RAD21L1: variants seen among roughly 807,000 people sequenced by gnomAD.
The protein encoded by RAD21L1 is RAD21 cohesin complex component like 1, also known as double-strand-break repair protein rad21-like protein 1.
A neutral mutation model predicts 69.0 loss-of-function variants in RAD21L1; 47 were observed. The observed-to-expected ratio is 0.68, with a 90% confidence interval of 0.54 to 0.87. The LOEUF (loss-of-function observed/expected upper bound fraction) is 0.87, where lower values mean the gene tolerates loss of function less well. Ranked by LOEUF, RAD21L1 falls within the 40% of genes least tolerant of loss-of-function variation. The pLI is 0.00. For synonymous variants in RAD21L1, 177 were observed against 205.8 expected (o/e 0.86, Z 1.20); for missense variants, 583 against 647.6 (o/e 0.90, Z 1.08).
At chr20:1,233,801 G>A (rs1385217378) in intron 4 of RAD21L1, among the ~76,000 whole-genome samples, 1 of 152,118 alleles carries the variant, frequency 6.6e-6, no homozygotes, top group Non-Finnish European at 1.5e-5. Flanking sequence ...TTCAAAATAT[G>A]CATTTGAGGT....
chr20:1,244,741 T>C (rs79409564), intron 11 of RAD21L1, among the ~76,000 whole-genome samples: 1,538 of 152,306 alleles, frequency 0.01, 15 homozygotes, highest in African/African-American at 0.035. Context: ...TCAGTTGTTA[T>C]TTTATTGGTT....
chr20:1,236,084 A>G (rs2087489327), intron 5 of RAD21L1, among the ~76,000 whole-genome samples: 1 of 151,986 alleles, frequency 6.6e-6, no homozygotes, highest in Non-Finnish European at 1.5e-5. Flanking sequence ...ACTTTTAACT[A>G]TACTTTCTGT....
chr20:1,228,708 A>T lies in RAD21L1; in HGVS notation c.144+111A>T, dbSNP rs916231135. 6 of 787,616 alleles carry T rather than the reference A, an allele frequency of 7.6e-6. No individual in the cohort carries two copies. In the Admixed American group the frequency reaches 1.7e-4, roughly 23 times the overall value. The allele number at this position is 787,616 out of a possible 1,614,324, so 48.8% of individuals were successfully genotyped here. A position where few individuals can be genotyped will look rare whatever the true frequency, so the allele number is the denominator to read the frequency against. ...CATTTTCAAGGAAGTTTTACTTGTC[A>T]AATGGTCTTTCCTTTAATTCCTATA... On this transcript the variant is annotated intron_variant, in intron 2 of 13. Coordinates refer to ENST00000683101, the MANE Select transcript of RAD21L1 (RefSeq NM_001384355.1).
intron 13 of RAD21L1, among the ~76,000 whole-genome samples, chr20:1,252,285 A>C (rs914399590): frequency 6.6e-6 from 1 of 152,178 alleles, no homozygotes; most frequent in Non-Finnish European, 1.5e-5. Context: ...AACTGACTGG[A>C]AGTTATATAC....
chr20:1,236,404 CCTT>C (rs2087496083), intron 5 of RAD21L1, among the ~76,000 whole-genome samples: 1 of 152,198 alleles, frequency 6.6e-6, no homozygotes, highest in African/African-American at 2.4e-5. Flanking sequence ...CAATTTATCA[CCTT>C]CTTTATTTTA....
At chr20:1,227,509 T>C (rs531708416) in intron 1 of RAD21L1, among the ~76,000 whole-genome samples, 1 of 152,348 alleles carries the variant, frequency 6.6e-6, no homozygotes, top group Admixed American at 6.5e-5. Flanking sequence ...GGCTCAGTTT[T>C]CTCTTTTATC....
Position 1,229,883 on chromosome 20 carries a change from A to C in RAD21L1, c.148A>C (p.Lys50Gln), listed in dbSNP as rs1458101089. The C allele has an allele frequency of 6.5e-7, 1 of 1,547,260 alleles. No individual in the cohort carries two copies. Among genetic ancestry groups the C allele is most frequent in the Admixed American group, 2.0e-5 (1 of 50,926 alleles). ...TIEKILSPKVKIALRTSGHLL... is the reference protein window; with the variant it reads ...TIEKILSPKVQIALRTSGHLL... ...ATACTTCAAAAATTATTGAAAGGTG[A>C]AAATAGCACTTCGAACTTCAGGACA... Residue 50 changes from lysine to glutamine, a missense_variant, in exon 3 of 14, where the codon AAA becomes CAA. Physicochemically the swap from Lys to Gln is moderately conservative, Grantham distance 53. Transcript: ENST00000683101.
rs2087712796 is a variant in RAD21L1 at position 1,246,158 on chromosome 20, G to A, written c.1309-55G>A. 4.6e-6 allele frequency: 4 copies of A among 876,176 alleles called. No individual in the cohort carries two copies. Among genetic ancestry groups the A allele is most frequent in the Non-Finnish European group, 6.9e-6 (4 of 576,260 alleles). The allele number at this position is 876,176 out of a possible 1,614,324, so 54.3% of individuals were successfully genotyped here. ...TTAAAGCATTTAATAAAATTAGATT[G>A]TTCCTGTATAACCACTGGCAGATTT... On this transcript the variant is annotated intron_variant, in intron 11 of 13. Coordinates refer to ENST00000683101, the MANE Select transcript of RAD21L1 (RefSeq NM_001384355.1). This position sits in a 1 kb window ranked among gnomAD's most constrained non-coding sequence, Gnocchi z 4.6.
At chr20:1,231,764 C>A in intron 4 of RAD21L1, 145 bp downstream of exon 4, 1 of 571,956 alleles carries the variant, frequency 1.7e-6, no homozygotes, top group East Asian at 3.0e-5. Context: ...GTATAAACTC[C>A]CAAAGTACAA....
chr20:1,248,045 C>CA (rs71327497), intron 12 of RAD21L1, among the ~76,000 whole-genome samples: 19,446 of 71,544 alleles, frequency 0.27, 2,046 homozygotes, highest in Non-Finnish European at 0.32. Flanking sequence ...CCTTAAATAC[C>CA]AAAAAAAAAA....
chr20:1,242,421 C>T (rs540389030), intron 8 of RAD21L1, among the ~76,000 whole-genome samples, 198 bp from the exon 9 acceptor site: 26 of 152,186 alleles, frequency 1.7e-4, no homozygotes, highest in African/African-American at 5.5e-4. Context: ...TTTGTAGAGA[C>T]GGGGTTTAGC....
At chr20:1,230,688 C>G in intron 3 of RAD21L1, 1 of 460,978 alleles carries the variant, frequency 2.2e-6, no homozygotes, top group Non-Finnish European at 2.8e-6. Context: ...CCTCAATCAA[C>G]ATTTGTTGAA....
intron 5 of RAD21L1, among the ~76,000 whole-genome samples, chr20:1,237,304 G>A (rs936398357): frequency 2.0e-5 from 3 of 152,148 alleles, no homozygotes; most frequent in Non-Finnish European, 2.9e-5. Context: ...GTAGTGTTGT[G>A]ATTGTCAGGA....
chr20:1,243,362 A>T (rs2087656437), intron 10 of RAD21L1, among the ~76,000 whole-genome samples, 166 bp downstream of exon 10: 1 of 152,106 alleles, frequency 6.6e-6, no homozygotes, highest in African/African-American at 2.4e-5. Context: ...TCGGTATTGC[A>T]TTTTTCTGCA....
chr20:1,232,898 A>G, intron 4 of RAD21L1, among the ~76,000 whole-genome samples: 1 of 152,174 alleles, frequency 6.6e-6, no homozygotes, highest in Non-Finnish European at 1.5e-5. Context: ...AAGAGAAGTG[A>G]TTAGGTCATA....
chr20:1,250,205 A>G (rs149167030), intron 13 of RAD21L1, among the ~76,000 whole-genome samples: 9 of 149,998 alleles, frequency 6.0e-5, no homozygotes, highest in Admixed American at 6.0e-4. Flanking sequence ...TTATGGCTGC[A>G]TAGTATTCCA....
intron 5 of RAD21L1, among the ~76,000 whole-genome samples, chr20:1,234,828 T>C (rs1470605254): frequency 6.6e-6 from 1 of 152,158 alleles, no homozygotes; most frequent in Admixed American, 6.5e-5. Flanking sequence ...TACTGAAGCC[T>C]TGACCTGGGC....
At chr20:1,245,927 T>G (rs1404195180) in intron 11 of RAD21L1, among the ~76,000 whole-genome samples, 2 of 151,962 alleles carry the variant, frequency 1.3e-5, no homozygotes, top group African/African-American at 4.8e-5. Context: ...GTAGAGACTT[T>G]TAATGTGAGG....
intron 13 of RAD21L1, among the ~76,000 whole-genome samples, chr20:1,253,597 G>A (rs541747647): frequency 1.1e-4 from 17 of 152,112 alleles, no homozygotes; most frequent in South Asian, 8.3e-4. Context: ...ACGCCTGGCC[G>A]CACTGCAGTA....
Sources: allele counts gnomAD v4.1 joint callset (sites outside exome capture counted in the v4.1 genomes callset), GRCh38; gene constraint gnomAD v4.1.1; non-coding constraint Gnocchi (gnomAD v3.1); transcripts MANE v1.5; gene names NCBI Gene and HGNC (gene_info 2026-07-23, HGNC 2026-07-21).